WDR44: variants seen among roughly 807,000 people sequenced by gnomAD.
The protein encoded by WDR44 is WD repeat-containing protein 44.
A neutral mutation model predicts 65.7 loss-of-function variants in WDR44; 9 were observed. The ratio of observed to expected loss-of-function variants is 0.14; its 90% CI spans 0.08 to 0.24. The LOEUF is 0.24. Among genes scored for constraint, WDR44 ranks in the 10% least tolerant of loss-of-function variants. The pLI, the probability that WDR44 is intolerant of heterozygous loss-of-function variation, is 1.00. For missense variants in WDR44, 425 were observed against 670.9 expected (o/e 0.63, Z 4.05); for synonymous variants, 220 against 235.2 (o/e 0.94, Z 0.59).
chrX:118,351,509 C>T (rs1267147609), intron 1 of WDR44, among the ~76,000 whole-genome samples: 1 of 112,107 alleles, frequency 8.9e-6, no homozygotes, highest in African/African-American at 3.2e-5. Flanking sequence ...GATGAGTTGA[C>T]ATTTGATCAC....
chrX:118,409,382 A>G, intron 10 of WDR44, 107 bp from the exon 11 acceptor site: 1 of 863,189 alleles, frequency 1.2e-6, no homozygotes, highest in Non-Finnish European at 1.6e-6. Context: ...CACCTGCCTC[A>G]GCCTCCCAAA....
chrX:118,379,157 C>T (rs2056692008), intron 2 of WDR44, among the ~76,000 whole-genome samples: 1 of 111,013 alleles, frequency 9.0e-6, no homozygotes, highest in Admixed American at 9.7e-5. Flanking sequence ...TCAATCCCAG[C>T]TTATATTCAG....
chrX:118,441,250 C>T, intron 14 of WDR44, 118 bp from the exon 15 acceptor site: 1 of 687,271 alleles, frequency 1.5e-6, no homozygotes, highest in African/African-American at 2.2e-5. Flanking sequence ...TGAGCCACCG[C>T]ACCTGGCCCT....
rs372592508 is a variant in WDR44, at chrX:118,398,479, C to A, written c.1274+9C>A. ...AGGTTAAAACAGAAAACGTGAGTTACAGTACATCCCTTTTCTTCATTTCAA... is the reference window on the plus strand; with the variant it reads ...AGGTTAAAACAGAAAACGTGAGTTAAAGTACATCCCTTTTCTTCATTTCAA... On this transcript the variant is annotated intron_variant, in intron 8 of 19. Transcript: ENST00000254029. 20 of 1,165,576 alleles carry A rather than the reference C, an allele frequency of 1.7e-5. No homozygotes were observed. The highest frequency in any genetic ancestry group is 2.3e-5 in the Non-Finnish European group (20 of 860,000).
At chrX:118,353,990 C>T (rs1173450361) in intron 1 of WDR44, among the ~76,000 whole-genome samples, 1 of 110,762 alleles carries the variant, frequency 9.0e-6, no homozygotes, top group Non-Finnish European at 1.9e-5. Flanking sequence ...AGGAAGAGAA[C>T]AGTAAAGACT....
At chrX:118,444,302 A>G (rs910110386) in intron 18 of WDR44, 58 bp from the exon 19 acceptor site, 19 of 1,157,630 alleles carry the variant, frequency 1.6e-5, no homozygotes, top group Non-Finnish European at 2.2e-5. Context: ...AACATACACT[A>G]TCGTGTTTGT....
Position 118,346,411 on chromosome X carries a change from A to G in WDR44, c.-93A>G. The G allele has an allele frequency of 1.4e-5, 11 of 775,587 alleles. No individual in the cohort carries two copies. The highest frequency in any genetic ancestry group is 2.2e-5 in the Non-Finnish European group (11 of 506,581). The allele number at this position is 775,587 out of a possible 1,213,427, so 63.9% of individuals were successfully genotyped here. A position where few individuals can be genotyped will look rare whatever the true frequency, so the allele number is the denominator to read the frequency against. On this transcript the variant is annotated 5_prime_UTR_variant, in exon 1 of 20. Transcript: ENST00000254029. ...AGCCTCGCCCGAGACCCACTTCCCC[A>G]GTCTCGCCCGGGTGGAGGTCGACGA...
rs767361495 is a variant in WDR44, at chrX:118,392,872, T to C, written c.427T>C (p.Ser143Pro). ...ATTAGAATTAAAAAAATGCTTTCCT[T>C]CTGATGAAACCTGTGAGAAACCAGT... ...TELELKKCFP[S>P]DETCEKPVDE... Residue 143 changes from serine to proline, a missense_variant, in exon 4 of 20, where the codon TCT (serine) becomes CCT (proline). By Grantham distance (74) the Ser-to-Pro change is moderately conservative. Around this residue, in one of 5 missense-constraint regions of WDR44, gnomAD observed 193 missense variants for 209.0 expected, o/e 0.92. Transcript: ENST00000254029. 4 of 1,212,066 alleles carry C rather than the reference T, an allele frequency of 3.3e-6. No homozygotes were observed. The highest frequency in any genetic ancestry group is 4.5e-6 in the Non-Finnish European group (4 of 895,623).
chrX:118,421,152 C>G (rs1330253459), intron 12 of WDR44, among the ~76,000 whole-genome samples: 2 of 111,744 alleles, frequency 1.8e-5, no homozygotes, highest in Non-Finnish European at 3.8e-5. Context: ...ATTTTAACTG[C>G]TTTGCTTTAG....
In WDR44 at chrX:118,445,385, C is replaced by A. The variant is rs755926835; in HGVS notation, c.2647+891C>A. Among the ~76,000 whole-genome samples, 4 of 112,466 alleles carry A rather than the reference C, an allele frequency of 3.6e-5. No individual in the cohort carries two copies. The South Asian group carries it at 1.5e-3, about 41-fold the overall frequency. On this transcript the variant is annotated intron_variant, in intron 19 of 19. Transcript: ENST00000254029. ...AACAATATATGCAAATGTAAAACTT[C>A]TTTATTACCTGTCTCTCCTACTAGT...
At chrX:118,347,638 G>A (rs1183754660) in intron 1 of WDR44, among the ~76,000 whole-genome samples, 1 of 112,536 alleles carries the variant, frequency 8.9e-6, no homozygotes, top group East Asian at 2.8e-4. Flanking sequence ...CACTTACTCC[G>A]TGGGAGTAAT....
intron 1 of WDR44, among the ~76,000 whole-genome samples, chrX:118,365,772 T>C (rs571615022): frequency 3.7e-4 from 42 of 112,060 alleles, no homozygotes; most frequent in African/African-American, 1.3e-3. Flanking sequence ...ATGATTGGCT[T>C]CTGTGAATGC....
intron 14 of WDR44, 72 bp from the exon 15 acceptor site, chrX:118,441,296 C>G: frequency 5.1e-6 from 5 of 971,389 alleles, no homozygotes; most frequent in Non-Finnish European, 7.1e-6. Context: ...AATAGACTTA[C>G]TGATTTGATT....
intron 2 of WDR44, 140 bp from the exon 3 acceptor site, chrX:118,387,200 A>AG: frequency 3.0e-6 from 1 of 333,794 alleles, no homozygotes; most frequent in Non-Finnish European, 5.1e-6. Flanking sequence ...AAAAAAAAAA[A>AG]AAAGAAGAAG....
At chrX:118,381,431 T>A (rs1432680561) in intron 2 of WDR44, among the ~76,000 whole-genome samples, 1 of 110,619 alleles carries the variant, frequency 9.0e-6, no homozygotes, top group African/African-American at 3.3e-5. Flanking sequence ...ATTGTGCCAC[T>A]GTACTCCACC....
rs930125609 is a variant in WDR44, at chrX:118,444,263, A to G, written c.2513-97A>G. On this transcript the variant is annotated intron_variant, in intron 18 of 19. Coordinates refer to ENST00000254029, the MANE Select transcript of WDR44 (RefSeq NM_019045.5). Reference sequence around the variant, plus strand: ...TTTTAAATCACTCTTAGTTACTTCTATGTTAGTTTTTAAGGATATTTGGCA... The same window carrying G: ...TTTTAAATCACTCTTAGTTACTTCTGTGTTAGTTTTTAAGGATATTTGGCA... 5.1e-6 allele frequency: 5 copies of G among 982,207 alleles called. No individual in the cohort carries two copies. The Admixed American group carries it at 1.2e-4, about 24-fold the overall frequency. 80.9% of individuals were successfully genotyped at this position (982,207 alleles called of 1,213,427 possible).
intron 12 of WDR44, among the ~76,000 whole-genome samples, chrX:118,418,509 T>C (rs768390965): frequency 7.0e-4 from 78 of 111,692 alleles, no homozygotes; most frequent in African/African-American, 2.5e-3. Context: ...CTGGAGGTTG[T>C]CTGCAGAGAG....
At chrX:118,397,827 A>G (rs2056878414) in intron 7 of WDR44, among the ~76,000 whole-genome samples, 1 of 112,306 alleles carries the variant, frequency 8.9e-6, no homozygotes, top group Admixed American at 9.5e-5. Context: ...TGTTTGTAGT[A>G]GGTTTTTCAT....
At chrX:118,407,175 G>A (rs1311964691) in intron 10 of WDR44, 149 bp downstream of exon 10, 2 of 554,818 alleles carry the variant, frequency 3.6e-6, no homozygotes, top group Non-Finnish European at 5.6e-6. Context: ...TAATGAATAG[G>A]TAATGCAAAG....
Sources: gnomAD v4.1 joint callset for allele counts (sites outside exome capture counted in the v4.1 genomes callset) on GRCh38, gnomAD v4.1.1 for gene constraint, gnomAD v4.1.1 regional missense constraint, MANE v1.5 for transcripts, NCBI Gene and HGNC (gene_info 2026-07-23, HGNC 2026-07-21) for gene names.